Variants in ZNF503 observed in about 807,000 individuals in gnomAD.
The protein encoded by ZNF503 is zinc finger protein 503.
ZNF503 carries 15 observed loss-of-function variants against 34.4 expected under a neutral mutation model. That is an observed-to-expected ratio of 0.44 (90% confidence interval 0.29 to 0.67). The LOEUF is 0.67. Among genes scored for constraint, ZNF503 ranks in the 30% least tolerant of loss-of-function variants. The pLI, the probability that ZNF503 is intolerant of heterozygous loss-of-function variation, is 0.13. For missense variants in ZNF503, 1,007 were observed against 926.8 expected (o/e 1.09, Z -1.12); for synonymous variants, 580 against 456.8 (o/e 1.27, Z -3.44).
chr10:75,313,525 T>C, the ZNF503 span, among the ~76,000 whole-genome samples: 1 of 152,140 alleles, frequency 6.6e-6, no homozygotes, highest in African/African-American at 2.4e-5. Flanking sequence ...ACAGAGGTGA[T>C]CAGCAAAACT....
chr10:75,301,447 C>T, the ZNF503 span, among the ~76,000 whole-genome samples: 3 of 152,072 alleles, frequency 2.0e-5, no homozygotes, highest in Non-Finnish European at 1.5e-5. Context: ...CACCATGTTA[C>T]CCAGGTTGGT....
At chr10:75,351,753 T>C in the ZNF503 span, among the ~76,000 whole-genome samples, 1 of 152,148 alleles carries the variant, frequency 6.6e-6, no homozygotes, top group African/African-American at 2.4e-5. Flanking sequence ...CTTTTACTTA[T>C]CCAAGGTGGC....
the ZNF503 span, among the ~76,000 whole-genome samples, chr10:75,309,524 A>T: frequency 1.3e-5 from 2 of 152,244 alleles, no homozygotes; most frequent in African/African-American, 4.8e-5. Context: ...AAAGATGATG[A>T]TTCATTGAAG....
In ZNF503 at chr10:75,398,639, G is replaced by A. The variant is rs1217683923; in HGVS notation, c.*110C>T. 9.7e-6 allele frequency: 10 copies of A among 1,035,518 alleles called. No homozygotes were observed. Among genetic ancestry groups the A allele is most frequent in the Admixed American group, 4.0e-5 (1 of 24,758 alleles). The allele number at this position is 1,035,518 out of a possible 1,614,324, so 64.1% of individuals were successfully genotyped here. ...ATACATTTCTTTCCTTTCGTGGCCCGAGTCCTCCCCACGCGCGGGTGTCAG... is the reference window on the plus strand; with the variant it reads ...ATACATTTCTTTCCTTTCGTGGCCCAAGTCCTCCCCACGCGCGGGTGTCAG... On this transcript the variant is annotated 3_prime_UTR_variant, in exon 2 of 2. Coordinates refer to ENST00000372524, the MANE Select transcript of ZNF503 (RefSeq NM_032772.6).
the ZNF503 span, among the ~76,000 whole-genome samples, chr10:75,391,960 G>A: frequency 6.6e-6 from 1 of 152,306 alleles, no homozygotes; most frequent in African/African-American, 2.4e-5. Flanking sequence ...ATAGATCAAA[G>A]GAAAGGACAT....
the ZNF503 span, among the ~76,000 whole-genome samples, chr10:75,304,802 A>G: frequency 6.6e-6 from 1 of 152,206 alleles, no homozygotes; most frequent in African/African-American, 2.4e-5. Context: ...AAATATCCAG[A>G]AGGAATTTCC....
chr10:75,334,295 C>A, the ZNF503 span, among the ~76,000 whole-genome samples: 2 of 152,200 alleles, frequency 1.3e-5, no homozygotes, highest in African/African-American at 4.8e-5. Context: ...TATTTAAGTT[C>A]TCTGTTGAAA....
chr10:75,395,871 C>A (rs1328471440), downstream of ZNF503, among the ~76,000 whole-genome samples: 1 of 152,206 alleles, frequency 6.6e-6, no homozygotes, highest in African/African-American at 2.4e-5. The surrounding 1 kb of genome is among the most constrained non-coding windows in gnomAD (Gnocchi z 4.4). Flanking sequence ...AAGGCACGAA[C>A]GTCCCGGGTT....
chr10:75,283,574 A>G, the ZNF503 span, among the ~76,000 whole-genome samples: 1 of 151,922 alleles, frequency 6.6e-6, no homozygotes, highest in African/African-American at 2.4e-5. Flanking sequence ...GAGGGGGGAG[A>G]CAGAGTGCAG....
chr10:75,346,506 C>T, the ZNF503 span, among the ~76,000 whole-genome samples: 55 of 151,694 alleles, frequency 3.6e-4, no homozygotes, highest in African/African-American at 1.3e-3. Flanking sequence ...TCTTGGCTCA[C>T]TGCAGCCTCA....
chr10:75,325,122 G>T, the ZNF503 span, among the ~76,000 whole-genome samples: 1 of 152,006 alleles, frequency 6.6e-6, no homozygotes, highest in African/African-American at 2.4e-5. Flanking sequence ...TAGGAGTGTT[G>T]AGTTAATTTT....
the ZNF503 span, among the ~76,000 whole-genome samples, chr10:75,383,882 A>G: frequency 6.6e-6 from 1 of 152,344 alleles, no homozygotes; most frequent in East Asian, 1.9e-4. Context: ...TAATTGATCT[A>G]TTGGTCAATC....
At chr10:75,358,096 G>T in the ZNF503 span, among the ~76,000 whole-genome samples, 2 of 152,186 alleles carry the variant, frequency 1.3e-5, no homozygotes, top group Non-Finnish European at 2.9e-5. Flanking sequence ...GGAAGAGGGA[G>T]ATGGCCAGGA....
At chr10:75,368,471 T>G in the ZNF503 span, among the ~76,000 whole-genome samples, 3,857 of 152,340 alleles carry the variant, frequency 0.025, 45 homozygotes, top group South Asian at 0.036. Flanking sequence ...GATATGCAGA[T>G]AAATCTTATG....
the ZNF503 span, among the ~76,000 whole-genome samples, chr10:75,375,978 G>C: frequency 6.6e-6 from 1 of 152,138 alleles, no homozygotes; most frequent in Non-Finnish European, 1.5e-5. Flanking sequence ...CCCCAGAGTG[G>C]GAACCGGAGG....
chr10:75,325,729 A>G, the ZNF503 span, among the ~76,000 whole-genome samples: 5 of 152,068 alleles, frequency 3.3e-5, no homozygotes, highest in Non-Finnish European at 5.9e-5. Context: ...TTAATATTTG[A>G]TTCTTTTAAT....
chr10:75,400,081 C>A lies in ZNF503; in HGVS notation c.609G>T (p.Gly203=), dbSNP rs757346147. Residue 203 remains glycine (G), a synonymous_variant, in exon 2 of 2, where the codon GGG becomes GGT. Coordinates refer to ENST00000372524, the MANE Select transcript of ZNF503 (RefSeq NM_032772.6). ...ATCCCGACTTCTCCGACGAAACACCCCCGCCGCCGCCCCCGCCACCGCCAC... is the reference window on the plus strand; with the variant it reads ...ATCCCGACTTCTCCGACGAAACACCACCGCCGCCGCCCCCGCCACCGCCAC... ...GGGGGGGGGG[G]GVSSEKSGFR... 10 of 1,545,374 alleles carry A rather than the reference C, an allele frequency of 6.5e-6. No homozygotes were observed. Among genetic ancestry groups the A allele is most frequent in the Non-Finnish European group, 8.7e-6 (10 of 1,146,768 alleles).
At chr10:75,360,405 C>A in the ZNF503 span, among the ~76,000 whole-genome samples, 3 of 152,104 alleles carry the variant, frequency 2.0e-5, no homozygotes, top group Non-Finnish European at 1.5e-5. Flanking sequence ...GGATTACAGG[C>A]GTGAGCCACC....
At position 75,401,452 on chromosome 10, in the gene ZNF503, G is replaced by A. The variant is rs1006855204; in HGVS notation, c.-33C>T. ...CCGCGCGCATGGGAGCAGCGGGGGG[G>A]AGGGCTCCGGGAGGCGCGGGGCGGG... On this transcript the variant is annotated 5_prime_UTR_variant, in exon 1 of 2. Coordinates refer to ENST00000372524, the MANE Select transcript of ZNF503 (RefSeq NM_032772.6). 15 of 1,519,054 alleles carry A rather than the reference G, an allele frequency of 9.9e-6. No individual in the cohort carries two copies. The Admixed American group carries it at 1.0e-4, about 10-fold the overall frequency. 94.1% of individuals were successfully genotyped at this position (1,519,054 alleles called of 1,614,324 possible). A position where few individuals can be genotyped will look rare whatever the true frequency, so the allele number is the denominator to read the frequency against.
Sources: allele counts gnomAD v4.1 joint callset (sites outside exome capture counted in the v4.1 genomes callset), GRCh38; gene constraint gnomAD v4.1.1; non-coding constraint Gnocchi (gnomAD v3.1); transcripts MANE v1.5; gene names NCBI Gene and HGNC (gene_info 2026-07-23, HGNC 2026-07-21).